MARCHF5: variants seen among roughly 807,000 people sequenced by gnomAD.
MARCHF5 encodes the protein E3 ubiquitin-protein ligase MARCHF5.
A neutral mutation model predicts 36.5 loss-of-function variants in MARCHF5; 5 were observed. The observed-to-expected ratio is 0.14, with a 90% confidence interval of 0.07 to 0.29. The LOEUF (loss-of-function observed/expected upper bound fraction) is 0.29, where lower values mean the gene tolerates loss of function less well. Ranked by LOEUF, MARCHF5 falls within the 10% of genes least tolerant of loss-of-function variation. MARCHF5 has a pLI of 1.00. For missense variants in MARCHF5, 179 were observed against 336.3 expected (o/e 0.53, Z 3.66); for synonymous variants, 103 against 109.9 (o/e 0.94, Z 0.39).
chr10:92,341,649 A>G (rs1030054025), intron 3 of MARCHF5, among the ~76,000 whole-genome samples: 5 of 152,036 alleles, frequency 3.3e-5, no homozygotes, highest in South Asian at 2.1e-4. Context: ...CAGTGCTGCA[A>G]TGATCTCTTG....
At chr10:92,312,418 G>C (rs1000760756) in intron 2 of MARCHF5, among the ~76,000 whole-genome samples, 2 of 152,156 alleles carry the variant, frequency 1.3e-5, no homozygotes, top group Admixed American at 1.3e-4. Flanking sequence ...CAAACATTTG[G>C]AATTTGTGGA....
chr10:92,297,992 G>A (rs923658809), intron 1 of MARCHF5, among the ~76,000 whole-genome samples: 5 of 152,162 alleles, frequency 3.3e-5, no homozygotes, highest in Admixed American at 6.5e-5. Flanking sequence ...GAGCTCAGGA[G>A]TTCAAGACCA....
At position 92,340,707 on chromosome 10, in the gene MARCHF5, A is replaced by G. The variant is rs181021185; in HGVS notation, c.273A>G (p.Arg91=). Residue 91 remains arginine (R), a synonymous_variant, in exon 3 of 6, where the codon AGA becomes AGG. Coordinates refer to ENST00000358935, the MANE Select transcript of MARCHF5 (RefSeq NM_017824.5). ...PVVYVLDLAD[R]LISKACPFAA... is the part of the protein sequence containing the mutation. The stretch of plus-strand genomic sequence containing the variant: ...TTTACGTCTTGGATCTTGCAGATAG[A>G]CTGATCTCAAAAGCCTGTCCATTTG... The G allele has an allele frequency of 8.5e-5, 137 of 1,613,734 alleles. No individual in the cohort carries two copies. The East Asian group carries it at 2.7e-3, about 31-fold the overall frequency.
At chr10:92,330,949 A>C (rs1843428737) in intron 2 of MARCHF5, among the ~76,000 whole-genome samples, 1 of 152,188 alleles carries the variant, frequency 6.6e-6, no homozygotes, top group Admixed American at 6.5e-5. Context: ...TATACAGGGA[A>C]GAAGAAAATT....
rs139242864 is a variant in MARCHF5, at chr10:92,336,766, C to G, written c.239-3907C>G. Among the ~76,000 whole-genome samples, 1,332 of 151,854 alleles carry G rather than the reference C, an allele frequency of 8.8e-3. 15 individuals are homozygous for G. The highest frequency in any genetic ancestry group is 0.027 in the African/African-American group (1,133 of 41,384). ...GCAATATAATAGTGAGACTCCATGT[C>G]TAAAAAGAGAAAGAACCAGCAAAGG... On this transcript the variant is annotated intron_variant, in intron 2 of 5. Coordinates refer to ENST00000358935, the MANE Select transcript of MARCHF5 (RefSeq NM_017824.5).
intron 1 of MARCHF5, among the ~76,000 whole-genome samples, chr10:92,296,546 A>G (rs114086411): frequency 1.4e-4 from 22 of 152,342 alleles, no homozygotes; most frequent in African/African-American, 5.1e-4. Context: ...AGAATATTAT[A>G]ACAAACTGCA....
intron 3 of MARCHF5, among the ~76,000 whole-genome samples, chr10:92,342,874 T>G (rs1056273973): frequency 3.9e-5 from 6 of 152,194 alleles, no homozygotes; most frequent in Admixed American, 3.3e-4. Flanking sequence ...TACCTAATAT[T>G]CCAGGAACTG....
At chr10:92,300,342 A>C (rs1438327505) in intron 1 of MARCHF5, among the ~76,000 whole-genome samples, 2 of 151,510 alleles carry the variant, frequency 1.3e-5, no homozygotes, top group South Asian at 2.1e-4. Flanking sequence ...AAGAAAGAAA[A>C]AATAGCTGGG....
chr10:92,308,537 G>A (rs932881145), intron 1 of MARCHF5: 4 of 152,114 alleles, frequency 2.6e-5, no homozygotes, highest in African/African-American at 9.7e-5. Context: ...ATTCAATCAA[G>A]ACGGAGTTGC....
intron 1 of MARCHF5, among the ~76,000 whole-genome samples, chr10:92,306,497 A>G (rs926414199): frequency 6.6e-6 from 1 of 152,228 alleles, no homozygotes; most frequent in Non-Finnish European, 1.5e-5. Context: ...CTTGTGTTGT[A>G]TGTACATTAA....
intron 2 of MARCHF5, among the ~76,000 whole-genome samples, chr10:92,326,050 C>T (rs1043054622): frequency 2.6e-5 from 4 of 152,128 alleles, no homozygotes; most frequent in African/African-American, 4.8e-5. Flanking sequence ...TACCAGTAAC[C>T]ATCCTCAAAA....
chr10:92,332,111 T>C (rs1309998290), intron 2 of MARCHF5, among the ~76,000 whole-genome samples: 1 of 151,218 alleles, frequency 6.6e-6, no homozygotes, highest in Non-Finnish European at 1.5e-5. Context: ...AGGCATAGTG[T>C]CTCATGTCTA....
intron 1 of MARCHF5, among the ~76,000 whole-genome samples, chr10:92,308,784 A>C (rs1271723034): frequency 6.6e-6 from 1 of 151,070 alleles, no homozygotes; most frequent in Non-Finnish European, 1.5e-5. Flanking sequence ...GGCTCACTGC[A>C]AGCTCCGCCT....
chr10:92,321,882 G>A (rs991164896), intron 2 of MARCHF5, among the ~76,000 whole-genome samples: 7 of 151,832 alleles, frequency 4.6e-5, no homozygotes, highest in Non-Finnish European at 8.8e-5. Context: ...TGGTAGTAAT[G>A]CCCCTTCCTT....
At chr10:92,302,246 T>C (rs528512611) in intron 1 of MARCHF5, among the ~76,000 whole-genome samples, 3 of 152,250 alleles carry the variant, frequency 2.0e-5, no homozygotes, top group South Asian at 4.1e-4. Flanking sequence ...GACTGTATTC[T>C]CACCTTTTCT....
At chr10:92,328,916 T>C (rs1190527423) in intron 2 of MARCHF5, among the ~76,000 whole-genome samples, 1 of 151,684 alleles carries the variant, frequency 6.6e-6, no homozygotes, top group Non-Finnish European at 1.5e-5. Flanking sequence ...GTTCTTTTTA[T>C]GATAAGACCG....
intron 2 of MARCHF5, among the ~76,000 whole-genome samples, chr10:92,320,734 A>G (rs1843280563): frequency 7.6e-6 from 1 of 131,476 alleles, no homozygotes; most frequent in African/African-American, 2.5e-5. Flanking sequence ...AAAAGAGTCA[A>G]AGTTAAAGTT....
intron 2 of MARCHF5, among the ~76,000 whole-genome samples, chr10:92,319,458 G>T (rs1034316641): frequency 6.6e-6 from 1 of 151,414 alleles, no homozygotes; most frequent in East Asian, 2.0e-4. Context: ...ACCATGCCCG[G>T]CTAATTTTTG....
intron 2 of MARCHF5, among the ~76,000 whole-genome samples, chr10:92,326,207 A>G (rs1411042567): frequency 1.3e-5 from 2 of 152,202 alleles, no homozygotes; most frequent in Non-Finnish European, 2.9e-5. Flanking sequence ...TTTATTTTAC[A>G]ATAAATATCA....
Sources: allele counts gnomAD v4.1 joint callset (sites outside exome capture counted in the v4.1 genomes callset), GRCh38; gene constraint gnomAD v4.1.1; transcripts MANE v1.5; gene names NCBI Gene and HGNC (gene_info 2026-07-23, HGNC 2026-07-21).